CEP128: variants seen among roughly 807,000 people sequenced by gnomAD.
CEP128 encodes the protein centrosomal protein 128kDa.
A neutral mutation model predicts 156.7 loss-of-function variants in CEP128; 132 were observed. That is an observed-to-expected ratio of 0.84 (90% confidence interval 0.73 to 0.97). CEP128 has a LOEUF of 0.97. CEP128 is among the 50% of genes least tolerant of loss of function. The pLI is 0.00. For missense variants in CEP128, 1,252 were observed against 1,281.9 expected, an observed-to-expected ratio of 0.98 and a Z score of 0.36; for synonymous variants, 469 against 448.9, an observed-to-expected ratio of 1.04 and a Z score of -0.57.
chr14:80,508,410 T>C (rs549120436), intron 23 of CEP128, among the ~76,000 whole-genome samples: 1 of 152,318 alleles, frequency 6.6e-6, no homozygotes, highest in East Asian at 1.9e-4. Flanking sequence ...TATAAATATC[T>C]ATTTGTATGG....
At chr14:80,678,049 A>AT (rs1555390206) in intron 19 of CEP128, among the ~76,000 whole-genome samples, 53 of 98,428 alleles carry the variant, frequency 5.4e-4, no homozygotes, top group Non-Finnish European at 8.0e-4. Flanking sequence ...ATAAAAAAAA[A>AT]ATATATATAT....
At chr14:80,718,431 AAC>A (rs1897690300) in intron 19 of CEP128, among the ~76,000 whole-genome samples, 1 of 152,354 alleles carries the variant, frequency 6.6e-6, no homozygotes, top group Admixed American at 6.5e-5. Flanking sequence ...ATAAAAAGAC[AAC>A]AGTTTTAGTA....
In CEP128 at chr14:80,918,263, C is replaced by T. The variant is rs149124952; in HGVS notation, c.-15-1701G>A. Among the ~76,000 whole-genome samples, 151 of 152,354 alleles carry T rather than the reference C, an allele frequency of 9.9e-4. 1 individual carries two copies. Among genetic ancestry groups the T allele is most frequent in the Middle Eastern group, 6.8e-3 (2 of 294 alleles). ...TATAACATCTTACATATAATGTTCA[C>T]CTTTTAAACTTCAGAAATCACTTGT... On this transcript the variant is annotated intron_variant, in intron 2 of 24. Transcript: ENST00000555265.
chr14:80,622,991 T>C (rs545716830), intron 19 of CEP128, among the ~76,000 whole-genome samples: 9 of 152,282 alleles, frequency 5.9e-5, no homozygotes, highest in African/African-American at 2.2e-4. Flanking sequence ...ATCATGCTGC[T>C]ATAAAGACAC....
intron 19 of CEP128, among the ~76,000 whole-genome samples, chr14:80,724,758 A>G (rs1249199859): frequency 6.6e-6 from 1 of 151,938 alleles, no homozygotes; most frequent in Non-Finnish European, 1.5e-5. Flanking sequence ...TAAGATGTTT[A>G]TAAATGTGTT....
At chr14:80,486,780 G>C (rs552589949), downstream of CEP128, among the ~76,000 whole-genome samples, 1 of 152,240 alleles carries the variant, frequency 6.6e-6, no homozygotes, top group Non-Finnish European at 1.5e-5. Flanking sequence ...AGCTTCATAA[G>C]TGAAGGAGAA....
At chr14:80,876,546 G>A (rs945268737) in intron 8 of CEP128, among the ~76,000 whole-genome samples, 2 of 150,348 alleles carry the variant, frequency 1.3e-5, no homozygotes, top group Admixed American at 6.6e-5. Context: ...GCAGTGAGTC[G>A]AGATCGTGCC....
chr14:80,711,295 T>TG (rs770807082), intron 19 of CEP128, among the ~76,000 whole-genome samples: 1 of 145,740 alleles, frequency 6.9e-6, no homozygotes, highest in South Asian at 2.2e-4. Flanking sequence ...TAAGACTATG[T>TG]TGTGTGTGTG....
intron 12 of CEP128, among the ~76,000 whole-genome samples, chr14:80,832,322 T>C (rs1016607081): frequency 1.3e-5 from 2 of 151,986 alleles, no homozygotes; most frequent in African/African-American, 4.8e-5. Flanking sequence ...GAGTCTAAAA[T>C]GTCAACAACT....
intron 19 of CEP128, among the ~76,000 whole-genome samples, chr14:80,695,048 AT>A (rs1187763693): frequency 3.9e-5 from 6 of 152,088 alleles, no homozygotes; most frequent in Non-Finnish European, 8.8e-5. Context: ...TAGCTTATGA[AT>A]GAGAAGGAAA....
chr14:80,678,026 G>A (rs1896136474), intron 19 of CEP128, among the ~76,000 whole-genome samples: 1 of 116,824 alleles, frequency 8.6e-6, no homozygotes, highest in South Asian at 2.5e-4. Context: ...CTTTCAACAT[G>A]GACAGTTGCT....
chr14:80,671,057 G>T (rs946945489), intron 19 of CEP128, among the ~76,000 whole-genome samples: 1 of 151,912 alleles, frequency 6.6e-6, no homozygotes, highest in Non-Finnish European at 1.5e-5. Flanking sequence ...AAATCAAATG[G>T]TCATCAGGGG....
At chr14:80,721,875 A>C (rs1897830296) in intron 19 of CEP128, among the ~76,000 whole-genome samples, 1 of 152,246 alleles carries the variant, frequency 6.6e-6, no homozygotes, top group South Asian at 2.1e-4. Flanking sequence ...TAATTAGGCA[A>C]GTGTTTAAGT....
At chr14:80,602,332 A>T (rs563991171) in intron 19 of CEP128, among the ~76,000 whole-genome samples, 25 of 152,362 alleles carry the variant, frequency 1.6e-4, no homozygotes, top group African/African-American at 5.8e-4. Flanking sequence ...GCAAGTAATG[A>T]GAAGGCCTGA....
downstream of CEP128, among the ~76,000 whole-genome samples, chr14:80,489,844 A>G (rs1175353477): frequency 1.3e-5 from 2 of 150,666 alleles, no homozygotes; most frequent in Non-Finnish European, 2.9e-5. Context: ...TGACCAGGGT[A>G]TCTTGTAGGG....
At chr14:80,489,267 TAA>T (rs35135843), downstream of CEP128, among the ~76,000 whole-genome samples, 70,777 of 108,124 alleles carry the variant, frequency 0.65, 24,314 homozygotes, top group East Asian at 0.81. Flanking sequence ...TTGTAAAAGC[TAA>T]AAAAAAAAAA....
intron 8 of CEP128, among the ~76,000 whole-genome samples, chr14:80,871,980 T>C (rs1234534113): frequency 2.0e-5 from 3 of 152,150 alleles, no homozygotes; most frequent in Non-Finnish European, 4.4e-5. Context: ...ATAAATATGT[T>C]ATATATCCTG....
At chr14:80,831,335 T>C in intron 12 of CEP128, 41 bp from the exon 13 acceptor site, 1 of 1,600,584 alleles carries the variant, frequency 6.2e-7, no homozygotes, top group Non-Finnish European at 8.5e-7. Flanking sequence ...TGTTCTTTAT[T>C]CACAGAAGAA....
intron 19 of CEP128, among the ~76,000 whole-genome samples, chr14:80,630,131 A>G (rs1340963493): frequency 6.6e-6 from 1 of 152,020 alleles, no homozygotes; most frequent in Non-Finnish European, 1.5e-5. Flanking sequence ...TGGTCAATGT[A>G]GACGTATCGG....
Sources: allele counts gnomAD v4.1 joint callset (sites outside exome capture counted in the v4.1 genomes callset), GRCh38; gene constraint gnomAD v4.1.1; transcripts MANE v1.5; gene names NCBI Gene and HGNC (gene_info 2026-07-23, HGNC 2026-07-21).